Variants in LRRK1 observed in about 807,000 individuals in gnomAD.
The protein encoded by LRRK1 is leucine-rich repeat serine/threonine-protein kinase 1.
LRRK1 carries 113 observed loss-of-function variants against 209.1 expected under a neutral mutation model. The observed-to-expected ratio is 0.54, with a 90% confidence interval of 0.46 to 0.63. The LOEUF (loss-of-function observed/expected upper bound fraction) is 0.63, where lower values mean the gene tolerates loss of function less well. Among genes scored for constraint, LRRK1 ranks in the 30% least tolerant of loss-of-function variants. The probability of loss-of-function intolerance (pLI) is 0.00; values close to 1 mark genes in which losing one functional copy is unlikely to be tolerated. For synonymous variants in LRRK1, 1,144 were observed against 1,099.7 expected, an observed-to-expected ratio of 1.04 and a Z score of -0.80; for missense variants, 2,284 against 2,632.2, an observed-to-expected ratio of 0.87 and a Z score of 2.89.
intron 20 of LRRK1, among the ~76,000 whole-genome samples, chr15:101,036,485 T>C (rs1187146182): frequency 6.6e-5 from 10 of 152,182 alleles, no homozygotes; most frequent in Non-Finnish European, 1.3e-4. Flanking sequence ...ATCTCTTTGG[T>C]AAATTTATCA....
At chr15:101,000,568 G>T (rs1044215655) in intron 6 of LRRK1, among the ~76,000 whole-genome samples, 1 of 152,178 alleles carries the variant, frequency 6.6e-6, no homozygotes, top group Non-Finnish European at 1.5e-5. Context: ...GGCTTCTCCT[G>T]GAAGCCCTGA....
chr15:100,954,584 G>A (rs2042716849), intron 2 of LRRK1, among the ~76,000 whole-genome samples: 1 of 152,106 alleles, frequency 6.6e-6, no homozygotes, highest in Non-Finnish European at 1.5e-5. Flanking sequence ...ATAATGTCAA[G>A]GAGATTTTTT....
chr15:100,992,261 A>G (rs974685028), intron 6 of LRRK1, among the ~76,000 whole-genome samples: 2 of 152,220 alleles, frequency 1.3e-5, no homozygotes, highest in African/African-American at 4.8e-5. Flanking sequence ...GGTTAATTAG[A>G]TAAAGCAGAT....
chr15:100,944,264 C>T (rs2042496855), intron 2 of LRRK1, among the ~76,000 whole-genome samples: 1 of 152,152 alleles, frequency 6.6e-6, no homozygotes, highest in South Asian at 2.1e-4. Flanking sequence ...CAGGCTTCTC[C>T]ATCCAGGAAA....
At chr15:101,010,081 C>A (rs1014558580) in intron 7 of LRRK1, among the ~76,000 whole-genome samples, 2 of 152,170 alleles carry the variant, frequency 1.3e-5, no homozygotes, top group Admixed American at 6.5e-5. Flanking sequence ...AAGCAAGTGC[C>A]GTCCAAGTGA....
At chr15:100,973,578 C>T (rs1364596289) in intron 2 of LRRK1, among the ~76,000 whole-genome samples, 2 of 152,188 alleles carry the variant, frequency 1.3e-5, no homozygotes, top group Non-Finnish European at 2.9e-5. Flanking sequence ...GCTGCAGAAT[C>T]CTCCGAGCTG....
chr15:101,053,514 G>A, intron 26 of LRRK1, 94 bp downstream of exon 26: 2 of 1,145,196 alleles, frequency 1.7e-6, no homozygotes, highest in Non-Finnish European at 2.5e-6. Context: ...AGGTGGCCTT[G>A]GCAAGCCCAG....
intron 1 of LRRK1, among the ~76,000 whole-genome samples, chr15:100,921,231 A>T (rs1180060688): frequency 2.0e-5 from 3 of 152,140 alleles, no homozygotes; most frequent in African/African-American, 7.2e-5. Context: ...GAGTGACTGG[A>T]TGGGGAATGG....
chr15:101,001,904 C>A (rs1439051053), intron 6 of LRRK1, among the ~76,000 whole-genome samples: 1 of 152,166 alleles, frequency 6.6e-6, no homozygotes, highest in Non-Finnish European at 1.5e-5. Flanking sequence ...TCAGTGAGAC[C>A]TAGCAAGGAG....
At chr15:100,969,578 G>A (rs973646620) in intron 2 of LRRK1, among the ~76,000 whole-genome samples, 1 of 151,860 alleles carries the variant, frequency 6.6e-6, no homozygotes, top group Admixed American at 6.6e-5. Context: ...GGGATTTACT[G>A]CACAGATCAT....
At chr15:101,051,614 C>A in intron 23 of LRRK1, 97 bp from the exon 24 acceptor site, 1 of 1,472,362 alleles carries the variant, frequency 6.8e-7, no homozygotes, top group Non-Finnish European at 9.2e-7. Flanking sequence ...AGCTCCCCTG[C>A]TGCGAAGGCC....
intron 1 of LRRK1, among the ~76,000 whole-genome samples, chr15:100,922,528 C>T (rs78409106): frequency 0.027 from 4,121 of 151,962 alleles, 71 homozygotes; most frequent in Middle Eastern, 0.058. Context: ...TTTTGAAATG[C>T]TGTTGGTTAT....
chr15:100,993,620 A>G (rs2032265780), intron 6 of LRRK1, among the ~76,000 whole-genome samples: 2 of 152,036 alleles, frequency 1.3e-5, no homozygotes, highest in African/African-American at 2.4e-5. Flanking sequence ...TCAACCTTGG[A>G]TAAGTTTTCC....
Position 100,989,292 on chromosome 15 carries a change from A to G in LRRK1, c.656A>G (p.Tyr219Cys). The change falls in exon 6 of 34, where the codon TAT (tyrosine) becomes TGT (cysteine). Residue 219 changes from tyrosine to cysteine, a missense_variant. Tyr to Cys is a radical substitution (Grantham distance 194). Coordinates refer to ENST00000388948, the MANE Select transcript of LRRK1 (RefSeq NM_024652.6). ...IAIFLLRHGA[Y>C]FCSYILLDSP... ...ATATTCCTGCTTCGGCATGGGGCCT[A>G]TTTCTGTTCCTACATCTTGCTGGAT... The G allele has an allele frequency of 1.9e-6, 3 of 1,614,138 alleles. No homozygotes were observed. Among genetic ancestry groups the G allele is most frequent in the South Asian group, 2.2e-5 (2 of 91,078 alleles).
chr15:101,049,452 G>T (rs2035274119), intron 22 of LRRK1, 192 bp from the exon 23 acceptor site: 1 of 552,072 alleles, frequency 1.8e-6, no homozygotes, highest in East Asian at 3.2e-5. Flanking sequence ...CCTTCACCAG[G>T]CCAGGTCCGG....
Position 101,077,853 on chromosome 15 carries a change from G to GC in LRRK1, c.*9008dup, listed in dbSNP as rs1455610070. On this transcript the variant is annotated 3_prime_UTR_variant, in exon 34 of 34. Coordinates refer to ENST00000388948, the MANE Select transcript of LRRK1 (RefSeq NM_024652.6). ...GAAGGCAGGAATGTCAGGCCTCTGAGCCCAAGCTAAGCCATCGCATCCCCT... is the reference window on the plus strand; with the variant it reads ...GAAGGCAGGAATGTCAGGCCTCTGAGCCCCAAGCTAAGCCATCGCATCCCCT... 3.3e-5 allele frequency: 5 copies of GC among 152,152 alleles called. No individual in the cohort carries two copies. The highest frequency in any genetic ancestry group is 1.2e-4 in the African/African-American group (5 of 41,376). The allele number at this position is 152,152 out of a possible 1,614,324, so 9.4% of individuals were successfully genotyped here.
chr15:101,053,198 G>A (rs368083023), intron 25 of LRRK1, 25 bp from the exon 26 acceptor site: 46 of 1,599,866 alleles, frequency 2.9e-5, no homozygotes, highest in African/African-American at 6.7e-5. Context: ...TGTCCTACTG[G>A]CTGACACTGC....
chr15:101,057,065 A>G lies in LRRK1; in HGVS notation c.4527+15A>G. ...AGCCAGAGAAGGTACTTGGGGACAC[A>G]GAGCCCAGGGCCTGGGACCTCCTGC... is the stretch of plus-strand genomic sequence containing the variant. On this transcript the variant is annotated intron_variant, in intron 28 of 33. Coordinates refer to ENST00000388948, the MANE Select transcript of LRRK1 (RefSeq NM_024652.6). 1 of 1,578,210 alleles carries G rather than the reference A, an allele frequency of 6.3e-7. No homozygotes were observed. The highest frequency in any genetic ancestry group is 2.3e-5 in the East Asian group (1 of 43,614).
At chr15:101,026,584 G>A (rs1472433802) in intron 17 of LRRK1, among the ~76,000 whole-genome samples, 2 of 152,202 alleles carry the variant, frequency 1.3e-5, no homozygotes, top group African/African-American at 4.8e-5. Context: ...CTTTCAGTTA[G>A]GCATCACGAC....
Sources: allele counts gnomAD v4.1 joint callset (sites outside exome capture counted in the v4.1 genomes callset), GRCh38; gene constraint gnomAD v4.1.1; transcripts MANE v1.5; gene names NCBI Gene and HGNC (gene_info 2026-07-23, HGNC 2026-07-21).